Variants in CNTLN observed in about 807,000 individuals in gnomAD.
The protein encoded by CNTLN is centlein, centrosomal protein.
CNTLN carries 212 observed loss-of-function variants against 180.0 expected under a neutral mutation model. That is an observed-to-expected ratio of 1.18 (90% CI 1.05 to 1.32). The LOEUF is 1.32. Ranked by LOEUF, CNTLN falls within the 40% of genes most tolerant of loss-of-function variation. The probability of loss-of-function intolerance (pLI) is 0.00; values close to 1 mark genes in which losing one functional copy is unlikely to be tolerated. For synonymous variants in CNTLN, 722 were observed against 563.1 expected (o/e 1.28, Z -3.99); for missense variants, 2,095 against 1,610.9 (o/e 1.30, Z -5.14).
At chr9:17,202,646 G>GTTTTTTTTTTTTTTTTTTTTTTTTTTTTT (rs57960408) in intron 2 of CNTLN, among the ~76,000 whole-genome samples, 9 of 71,472 alleles carry the variant, frequency 1.3e-4, no homozygotes, top group East Asian at 1.1e-3. Context: ...TGCAACCTCT[G>GTTTTTTTTTTTTTTTTTTTTTTTTTTTTT]TTTTTTTTTT....
intron 2 of CNTLN, among the ~76,000 whole-genome samples, chr9:17,187,699 A>G (rs1031284338): frequency 2.6e-5 from 4 of 151,692 alleles, no homozygotes; most frequent in Admixed American, 6.6e-5. Context: ...TGAATTTAAC[A>G]TAATTTATTG....
At chr9:17,263,432 C>T (rs9726822) in intron 5 of CNTLN, among the ~76,000 whole-genome samples, 1,861 of 151,066 alleles carry the variant, frequency 0.012, 113 homozygotes, top group African/African-American at 0.044. Context: ...TTTCTTAATC[C>T]AGTCTGTCTT....
chr9:17,348,586 A>C (rs1294408783), intron 12 of CNTLN, among the ~76,000 whole-genome samples: 1 of 146,982 alleles, frequency 6.8e-6, no homozygotes, highest in Non-Finnish European at 1.5e-5. Flanking sequence ...GCTGCAGTGC[A>C]GTGGAGTGAT....
rs761030749 is a variant in CNTLN at position 17,395,054 on chromosome 9, A to G, written c.2600A>G (p.Asp867Gly). Reference sequence around the variant, plus strand: ...AACCTCAGCAAGGACGGCTGGGAGGATGTGAGTGAAAGCAGGTAAGGCTCT... The same window carrying G: ...AACCTCAGCAAGGACGGCTGGGAGGGTGTGAGTGAAAGCAGGTAAGGCTCT... ...FENLSKDGWE[D>G]VSESSSDSEA... Residue 867 changes from aspartate (D) to glycine (G), a missense_variant, in exon 15 of 26, where the codon GAT (aspartate) becomes GGT (glycine). Coordinates refer to ENST00000380647, the MANE Select transcript of CNTLN (RefSeq NM_017738.4). The G allele has an allele frequency of 1.9e-6, 3 of 1,607,796 alleles. No homozygotes were observed. Among genetic ancestry groups the G allele is most frequent in the African/African-American group, 1.3e-5 (1 of 74,784 alleles).
At chr9:17,522,648 A>G in the CNTLN span, among the ~76,000 whole-genome samples, 1 of 152,146 alleles carries the variant, frequency 6.6e-6, no homozygotes, top group Non-Finnish European at 1.5e-5. Flanking sequence ...CTGGCACACA[A>G]CCGAAAGTCG....
At position 17,261,423 on chromosome 9, in the gene CNTLN, AT is replaced by A. The variant is rs529008719; in HGVS notation, c.850-12304del. Among the ~76,000 whole-genome samples, 771 of 151,030 alleles carry A rather than the reference AT, an allele frequency of 5.1e-3. 5 individuals are homozygous for A. The highest frequency in any genetic ancestry group is 8.0e-3 in the Admixed American group (122 of 15,174). On this transcript the variant is annotated intron_variant, in intron 5 of 25. Transcript: ENST00000380647. ...TAGATGTACTCCTGGGTATTTTGTTATTTTTTGTGGCTATTGTAAATGGGAT... is the reference window on the plus strand; with the variant it reads ...TAGATGTACTCCTGGGTATTTTGTTATTTTTGTGGCTATTGTAAATGGGAT...
chr9:17,349,565 A>C (rs1471233686), intron 12 of CNTLN, among the ~76,000 whole-genome samples: 1 of 152,192 alleles, frequency 6.6e-6, no homozygotes, highest in Non-Finnish European at 1.5e-5. Context: ...ATATAATGCT[A>C]CCACTGACTG....
chr9:17,145,723 C>T (rs905959423), intron 2 of CNTLN, among the ~76,000 whole-genome samples: 5 of 152,166 alleles, frequency 3.3e-5, no homozygotes, highest in Admixed American at 2.6e-4. Flanking sequence ...CGTTTGTCAT[C>T]ATAGGTTTTC....
intron 2 of CNTLN, among the ~76,000 whole-genome samples, chr9:17,145,144 A>G (rs1818369769): frequency 6.6e-6 from 1 of 152,184 alleles, no homozygotes; most frequent in Non-Finnish European, 1.5e-5. Flanking sequence ...CCCGGCCTGG[A>G]GAATTTATTA....
At chr9:17,421,250 G>A (rs1255615210) in intron 18 of CNTLN, among the ~76,000 whole-genome samples, 2 of 151,916 alleles carry the variant, frequency 1.3e-5, no homozygotes, top group South Asian at 2.1e-4. Flanking sequence ...TGAGTACTCC[G>A]GTGCTGGATA....
chr9:17,504,141 G>A (rs899190505), downstream of CNTLN, among the ~76,000 whole-genome samples: 1 of 151,978 alleles, frequency 6.6e-6, no homozygotes, highest in African/African-American at 2.4e-5. Context: ...GTCAAAACAG[G>A]AAAAGAAGAA....
intron 5 of CNTLN, among the ~76,000 whole-genome samples, chr9:17,254,511 T>C (rs981692528): frequency 6.6e-6 from 1 of 151,262 alleles, no homozygotes; most frequent in African/African-American, 2.4e-5. Context: ...ATTCATTCAT[T>C]TGTGAGTAGA....
In CNTLN at chr9:17,433,128, G is replaced by C. The variant is rs1216041350; in HGVS notation, c.3114+16939G>C. On this transcript the variant is annotated intron_variant, in intron 18 of 25. Transcript: ENST00000380647. ...CTCACTAGAGGAAGCTATTTGATTA[G>C]AGTAAAAGTGATCTGAGATATAATA... 2.0e-5 allele frequency among the ~76,000 whole-genome samples: 3 copies of C among 151,414 alleles called. No individual in the cohort carries two copies. The East Asian group carries it at 5.8e-4, about 29-fold the overall frequency.
chr9:17,303,653 T>A (rs1818519325), intron 7 of CNTLN, among the ~76,000 whole-genome samples: 1 of 152,202 alleles, frequency 6.6e-6, no homozygotes, highest in Non-Finnish European at 1.5e-5. Flanking sequence ...TTGTTCATAC[T>A]TTAGTGTTCA....
At chr9:17,210,716 G>T (rs1484536120) in intron 2 of CNTLN, among the ~76,000 whole-genome samples, 1 of 152,154 alleles carries the variant, frequency 6.6e-6, no homozygotes, top group Admixed American at 6.5e-5. Context: ...TCCAGCACCT[G>T]TTGTTTCCTG....
At chr9:17,483,095 C>T (rs1832728820) in intron 23 of CNTLN, among the ~76,000 whole-genome samples, 1 of 151,782 alleles carries the variant, frequency 6.6e-6, no homozygotes, top group Admixed American at 6.6e-5. Context: ...AGAAAAAGAA[C>T]AAATAATGAA....
rs185506717 is a variant in CNTLN, at chr9:17,342,745, G to A, written c.1886+301G>A. Reference sequence around the variant, plus strand: ...TAGCCTGTATTTTAGACGCTGCCGTGCTTCATTTTTGGAATGAGGTGGAGA... The same window carrying A: ...TAGCCTGTATTTTAGACGCTGCCGTACTTCATTTTTGGAATGAGGTGGAGA... On this transcript the variant is annotated intron_variant, in intron 12 of 25. Transcript: ENST00000380647. 2.9e-3 allele frequency among the ~76,000 whole-genome samples: 447 copies of A among 152,252 alleles called. 3 individuals are homozygous for A. The highest frequency in any genetic ancestry group is 4.9e-3 in the Non-Finnish European group (330 of 68,022).
At chr9:17,494,397 C>T (rs1490199580) in intron 25 of CNTLN, among the ~76,000 whole-genome samples, 1 of 152,004 alleles carries the variant, frequency 6.6e-6, no homozygotes, top group Non-Finnish European at 1.5e-5. Context: ...AGGTTTAGGA[C>T]TACATGTGCA....
intron 10 of CNTLN, among the ~76,000 whole-genome samples, chr9:17,333,281 A>G (rs936297802): frequency 6.6e-6 from 1 of 152,156 alleles, no homozygotes; most frequent in Admixed American, 6.5e-5. Context: ...TTGAGAGCTT[A>G]TATTAATACT....
Sources: allele counts gnomAD v4.1 joint callset (sites outside exome capture counted in the v4.1 genomes callset), GRCh38; gene constraint gnomAD v4.1.1; transcripts MANE v1.5; gene names NCBI Gene and HGNC (gene_info 2026-07-23, HGNC 2026-07-21).